CNBD1: variants seen among roughly 807,000 people sequenced by gnomAD.
CNBD1 encodes the protein cyclic nucleotide binding domain containing 1.
A neutral mutation model predicts 54.4 loss-of-function variants in CNBD1; 71 were observed. The observed-to-expected ratio is 1.30, with a 90% confidence interval of 1.08 to 1.59. CNBD1 has a LOEUF of 1.59. Among genes scored for constraint, CNBD1 ranks in the 40% most tolerant of loss-of-function variants. CNBD1 has a pLI of 0.00. For synonymous variants in CNBD1, 182 were observed against 170.7 expected, an observed-to-expected ratio of 1.07 and a Z score of -0.51; for missense variants, 659 against 518.0, an observed-to-expected ratio of 1.27 and a Z score of -2.64.
intron 4 of CNBD1, among the ~76,000 whole-genome samples, chr8:87,123,575 CAAATA>C (rs1206057990): frequency 2.6e-5 from 4 of 151,252 alleles, no homozygotes; most frequent in African/African-American, 9.7e-5. Context: ...AGAAAGATCT[CAAATA>C]AATAATCTAA....
intron 4 of CNBD1, among the ~76,000 whole-genome samples, chr8:86,994,239 G>A (rs754719562): frequency 2.6e-5 from 4 of 152,224 alleles, no homozygotes; most frequent in Non-Finnish European, 5.9e-5. Flanking sequence ...CTGCAACTGT[G>A]CTGAGGAATC....
chr8:87,029,766 T>C (rs1430547113), intron 4 of CNBD1, among the ~76,000 whole-genome samples: 1 of 151,496 alleles, frequency 6.6e-6, no homozygotes, highest in Non-Finnish European at 1.5e-5. Flanking sequence ...AAAATAATTA[T>C]GTTATTATTT....
Position 87,353,630 on chromosome 8 carries a change from T to TTTTTA in CNBD1, c.1153-6_1153-5insTTTTA. 1 of 1,549,660 alleles carries TTTTTA rather than the reference T, an allele frequency of 6.5e-7. No homozygotes were observed. The highest frequency in any genetic ancestry group is 8.8e-7 in the Non-Finnish European group (1 of 1,138,768). On this transcript the variant is annotated splice_polypyrimidine_tract_variant and splice_region_variant and intron_variant, in intron 9 of 10. Coordinates refer to ENST00000518476, the MANE Select transcript of CNBD1 (RefSeq NM_173538.3). ...ATTAAACATCAATAATATATTTTTT[T>TTTTTA]AACAGAAAAGATCTCAAAAACTTGT... is the stretch of plus-strand genomic sequence containing the variant.
chr8:87,067,173 T>G (rs1443477694), intron 4 of CNBD1, among the ~76,000 whole-genome samples: 1 of 152,014 alleles, frequency 6.6e-6, no homozygotes, highest in African/African-American at 2.4e-5. Flanking sequence ...AGAGATAGAA[T>G]GTTAAATATG....
intron 4 of CNBD1, among the ~76,000 whole-genome samples, chr8:86,982,931 A>G (rs894341117): frequency 2.0e-5 from 3 of 152,172 alleles, no homozygotes; most frequent in Non-Finnish European, 4.4e-5. Context: ...CCACTTATTT[A>G]GATATTATTT....
intron 5 of CNBD1, among the ~76,000 whole-genome samples, chr8:87,224,852 A>T (rs1337831022): frequency 6.6e-6 from 1 of 151,302 alleles, no homozygotes; most frequent in South Asian, 2.1e-4. Context: ...CATTTTCATG[A>T]TATTGATTCT....
chr8:87,147,162 A>G (rs1306325821), intron 4 of CNBD1, among the ~76,000 whole-genome samples: 1 of 152,158 alleles, frequency 6.6e-6, no homozygotes, highest in Non-Finnish European at 1.5e-5. Context: ...TTTTCTGACT[A>G]CTAGAGTTAC....
rs1002562321 is a variant in CNBD1 at position 87,131,824 on chromosome 8, C to T, written c.432-74169C>T. 3.8e-4 allele frequency among the ~76,000 whole-genome samples: 58 copies of T among 152,060 alleles called. 1 individual carries two copies. Among genetic ancestry groups the T allele is most frequent in the Admixed American group, 3.3e-3 (51 of 15,278 alleles). Reference sequence around the variant, plus strand: ...ACTCAACTTCTGATGCTCTTATTTTCTCTATAAGACCTGAGATTTCATTTG... The same window carrying T: ...ACTCAACTTCTGATGCTCTTATTTTTTCTATAAGACCTGAGATTTCATTTG... On this transcript the variant is annotated intron_variant, in intron 4 of 10. Transcript: ENST00000518476.
At chr8:86,956,276 C>T (rs887105373) in intron 4 of CNBD1, among the ~76,000 whole-genome samples, 9 of 152,144 alleles carry the variant, frequency 5.9e-5, no homozygotes, top group African/African-American at 1.9e-4. Flanking sequence ...ATGCCTCCAG[C>T]TTTGTTCTTT....
intron 4 of CNBD1, among the ~76,000 whole-genome samples, chr8:87,052,524 A>G (rs756173082): frequency 2.6e-5 from 4 of 152,194 alleles, no homozygotes; most frequent in Non-Finnish European, 4.4e-5. Flanking sequence ...ACTCATGTAT[A>G]GGATCACTGG....
chr8:86,918,677 G>A (rs2131822325), intron 3 of CNBD1, among the ~76,000 whole-genome samples: 1 of 151,620 alleles, frequency 6.6e-6, no homozygotes, highest in East Asian at 2.0e-4. Flanking sequence ...ATGATTGTGA[G>A]GCCTCCCCAG....
intron 4 of CNBD1, among the ~76,000 whole-genome samples, chr8:87,069,490 G>C (rs139228619): frequency 6.6e-6 from 1 of 152,008 alleles, no homozygotes; most frequent in African/African-American, 2.4e-5. Context: ...ATGATATACA[G>C]GTTTATAGTC....
At chr8:87,216,084 G>A (rs566064771) in intron 5 of CNBD1, among the ~76,000 whole-genome samples, 11 of 152,158 alleles carry the variant, frequency 7.2e-5, no homozygotes, top group East Asian at 5.8e-4. Context: ...GCTGTTAATT[G>A]TTTCTTTAAT....
At chr8:87,418,735 C>T (rs1442952100) in intron 2 of CNBD1, among the ~76,000 whole-genome samples, 1 of 151,700 alleles carries the variant, frequency 6.6e-6, no homozygotes, top group African/African-American at 2.4e-5. Flanking sequence ...GGGAGAAAAA[C>T]AAGTCATAAA....
chr8:86,957,807 A>AT (rs1208686971), intron 4 of CNBD1, among the ~76,000 whole-genome samples: 4 of 151,576 alleles, frequency 2.6e-5, no homozygotes, highest in South Asian at 2.1e-4. Context: ...TTTTTGTAGG[A>AT]TTTTTTTGTG....
intron 5 of CNBD1, among the ~76,000 whole-genome samples, chr8:87,218,464 A>C (rs2130806870): frequency 6.6e-6 from 1 of 152,164 alleles, no homozygotes; most frequent in Middle Eastern, 3.4e-3. Context: ...CATTCTTTTG[A>C]CCTTCCCATG....
chr8:87,020,764 A>G (rs1310002890), intron 4 of CNBD1, among the ~76,000 whole-genome samples: 1 of 152,218 alleles, frequency 6.6e-6, no homozygotes, highest in Non-Finnish European at 1.5e-5. Flanking sequence ...CATTCTATAG[A>G]GAATCCCCTT....
chr8:87,130,792 A>C (rs985258070), intron 4 of CNBD1, among the ~76,000 whole-genome samples: 5 of 151,852 alleles, frequency 3.3e-5, no homozygotes, highest in Admixed American at 1.3e-4. Context: ...AAAAAAAAAA[A>C]ATTCCTGAGA....
chr8:87,156,029 T>G (rs939882664), intron 4 of CNBD1, among the ~76,000 whole-genome samples: 2 of 151,886 alleles, frequency 1.3e-5, no homozygotes, highest in Non-Finnish European at 2.9e-5. Context: ...CTAGGAACAC[T>G]AACATTTACG....
Sources: gnomAD v4.1 joint callset for allele counts (sites outside exome capture counted in the v4.1 genomes callset) on GRCh38, gnomAD v4.1.1 for gene constraint, MANE v1.5 for transcripts, NCBI Gene and HGNC (gene_info 2026-07-23, HGNC 2026-07-21) for gene names.